TTC29: variants seen among roughly 807,000 people sequenced by gnomAD.
TTC29 encodes tetratricopeptide repeat domain 29.
A neutral mutation model predicts 58.1 loss-of-function variants in TTC29; 49 were observed. The observed-to-expected ratio is 0.84, with a 90% confidence interval of 0.67 to 1.07. TTC29 has a LOEUF of 1.07. Ranked by LOEUF, TTC29 falls within the 50% of genes least tolerant of loss-of-function variation. TTC29 has a pLI of 0.00. For missense variants in TTC29, 582 were observed against 555.6 expected (o/e 1.05, Z -0.48); for synonymous variants, 209 against 196.8 (o/e 1.06, Z -0.52).
chr4:146,746,907 T>C (rs1298670483), intron 11 of TTC29, among the ~76,000 whole-genome samples: 2 of 151,940 alleles, frequency 1.3e-5, no homozygotes, highest in Non-Finnish European at 2.9e-5. Context: ...CCAAAATAAT[T>C]AAAAGAGAGT....
chr4:146,740,286 G>A (rs539857413), intron 11 of TTC29, among the ~76,000 whole-genome samples: 1 of 152,314 alleles, frequency 6.6e-6, no homozygotes, highest in South Asian at 2.1e-4. Flanking sequence ...ACGTCCTTGT[G>A]TGTAGCAGCT....
chr4:146,837,597 C>A (rs1728596019), intron 8 of TTC29, among the ~76,000 whole-genome samples: 1 of 151,966 alleles, frequency 6.6e-6, no homozygotes, highest in Non-Finnish European at 1.5e-5. Flanking sequence ...AAATATTGAT[C>A]AACTTGAATC....
chr4:146,771,064 CA>C (rs1747689354), intron 11 of TTC29, among the ~76,000 whole-genome samples: 1 of 151,962 alleles, frequency 6.6e-6, no homozygotes, highest in Non-Finnish European at 1.5e-5. Flanking sequence ...TGTTAATACT[CA>C]ATAAGAACAG....
intron 11 of TTC29, among the ~76,000 whole-genome samples, chr4:146,790,563 T>A (rs1285292723): frequency 3.9e-5 from 6 of 152,130 alleles, no homozygotes; most frequent in Non-Finnish European, 2.9e-5. Context: ...TTCTAGAGAT[T>A]GCCCACCAGC....
chr4:146,903,737 G>T lies in TTC29; in HGVS notation c.401-8C>A. 5 of 1,551,730 alleles carry T rather than the reference G, an allele frequency of 3.2e-6. No homozygotes were observed. The highest frequency in any genetic ancestry group is 1.2e-5 in the South Asian group (1 of 80,384). On this transcript the variant is annotated splice_polypyrimidine_tract_variant and splice_region_variant and intron_variant, in intron 5 of 12. Coordinates refer to ENST00000325106, the MANE Select transcript of TTC29 (RefSeq NM_031956.4). ...GTACATCTTCGAAGGATTCTTCAAAGAGAGAAAAGCACCATGAATGGCATT... is the reference window on the plus strand; with the variant it reads ...GTACATCTTCGAAGGATTCTTCAAATAGAGAAAAGCACCATGAATGGCATT...
At chr4:146,940,185 T>C (rs1376092288) in intron 2 of TTC29, among the ~76,000 whole-genome samples, 2 of 152,216 alleles carry the variant, frequency 1.3e-5, no homozygotes, top group Non-Finnish European at 2.9e-5. Flanking sequence ...ATGGTTCAGT[T>C]GGCATCTTTG....
At chr4:146,831,675 A>G (rs772394346) in intron 9 of TTC29, 3 of 434,154 alleles carry the variant, frequency 6.9e-6, no homozygotes, top group South Asian at 4.9e-5. Flanking sequence ...TAATTGTTCA[A>G]CTCTTCACTT....
chr4:146,852,165 C>T (rs973865943), intron 8 of TTC29, among the ~76,000 whole-genome samples: 1 of 152,212 alleles, frequency 6.6e-6, no homozygotes, highest in African/African-American at 2.4e-5. Flanking sequence ...TGATTCCCAA[C>T]TGGTCCAGCA....
intron 11 of TTC29, among the ~76,000 whole-genome samples, chr4:146,782,059 G>A (rs1241701132): frequency 1.3e-5 from 2 of 151,616 alleles, no homozygotes; most frequent in Non-Finnish European, 3.0e-5. Context: ...ATGCTATTTA[G>A]CCAATGAAAA....
chr4:146,920,937 G>T (rs529474903), intron 4 of TTC29, among the ~76,000 whole-genome samples: 23 of 151,252 alleles, frequency 1.5e-4, no homozygotes, highest in African/African-American at 5.5e-4. Context: ...TTCTATTATA[G>T]AAATAGTTCC....
intron 11 of TTC29, among the ~76,000 whole-genome samples, chr4:146,757,925 C>CA (rs140669655): frequency 0.25 from 37,047 of 148,696 alleles, 4,905 homozygotes; most frequent in East Asian, 0.38. Flanking sequence ...AAACCAAAAC[C>CA]AAAAAAAAAC....
intron 11 of TTC29, among the ~76,000 whole-genome samples, chr4:146,736,535 A>C (rs6851396): frequency 0.36 from 54,392 of 152,044 alleles, 10,007 homozygotes; most frequent in East Asian, 0.54. Flanking sequence ...AAGCCCACAC[A>C]GTACAGAGTA....
At chr4:146,747,634 A>G (rs1182368527) in intron 11 of TTC29, among the ~76,000 whole-genome samples, 1 of 152,074 alleles carries the variant, frequency 6.6e-6, no homozygotes, top group African/African-American at 2.4e-5. Flanking sequence ...TGTGCCCCCA[A>G]TCCTATAGCT....
chr4:146,800,857 G>A (rs2150115241), intron 11 of TTC29, among the ~76,000 whole-genome samples: 1 of 152,272 alleles, frequency 6.6e-6, no homozygotes, highest in East Asian at 1.9e-4. Context: ...AGGCAGTTAA[G>A]GCGATTACAG....
chr4:146,781,423 T>C (rs1748592721), intron 11 of TTC29, among the ~76,000 whole-genome samples: 2 of 151,916 alleles, frequency 1.3e-5, no homozygotes. Context: ...AACTGAGATT[T>C]TGAAATCACG....
At chr4:146,795,052 C>G (rs1442239098) in intron 11 of TTC29, among the ~76,000 whole-genome samples, 2 of 151,968 alleles carry the variant, frequency 1.3e-5, no homozygotes, top group Non-Finnish European at 2.9e-5. Context: ...CTTTGTTTAC[C>G]TTAAGAGCAT....
At chr4:146,794,148 AG>A (rs1191559317) in intron 11 of TTC29, among the ~76,000 whole-genome samples, 2 of 152,150 alleles carry the variant, frequency 1.3e-5, no homozygotes. Flanking sequence ...AATCTTCAAA[AG>A]TGATTACAAT....
At chr4:146,792,057 G>C (rs1749496476) in intron 11 of TTC29, among the ~76,000 whole-genome samples, 1 of 152,192 alleles carries the variant, frequency 6.6e-6, no homozygotes, top group Non-Finnish European at 1.5e-5. Context: ...AACAACAAAT[G>C]CTAATGGAGA....
intron 8 of TTC29, among the ~76,000 whole-genome samples, chr4:146,848,950 A>G (rs1040481436): frequency 6.6e-6 from 1 of 152,128 alleles, no homozygotes; most frequent in Non-Finnish European, 1.5e-5. Context: ...ACACATCCCA[A>G]GGTGCATCCC....
Sources: gnomAD v4.1 joint callset for allele counts (sites outside exome capture counted in the v4.1 genomes callset) on GRCh38, gnomAD v4.1.1 for gene constraint, MANE v1.5 for transcripts, NCBI Gene and HGNC (gene_info 2026-07-23, HGNC 2026-07-21) for gene names.